Variants in CLSTN2 observed in about 807,000 individuals in gnomAD.
CLSTN2 encodes calsyntenin-2.
In CLSTN2, 48 loss-of-function variants were observed where a neutral mutation model predicts 101.2. That is an observed-to-expected ratio of 0.47 (90% CI 0.38 to 0.60). The LOEUF (loss-of-function observed/expected upper bound fraction) is 0.60. CLSTN2 is among the 20% of genes least tolerant of loss of function. The pLI is 0.00. For synonymous variants in CLSTN2, 481 were observed against 463.6 expected (o/e 1.04, Z -0.48); for missense variants, 1,160 against 1,238.2 (o/e 0.94, Z 0.95).
intron 2 of CLSTN2, among the ~76,000 whole-genome samples, chr3:140,294,430 C>T (rs1380394347): frequency 6.6e-6 from 1 of 152,192 alleles, no homozygotes; most frequent in Non-Finnish European, 1.5e-5. Flanking sequence ...AGGCAGATGT[C>T]ACCTCCACCA....
chr3:140,442,768 C>T (rs1485692004), intron 5 of CLSTN2, among the ~76,000 whole-genome samples: 1 of 152,148 alleles, frequency 6.6e-6, no homozygotes, highest in Non-Finnish European at 1.5e-5. Context: ...CTATGTATGG[C>T]TCCTTACTGG....
chr3:140,534,595 T>G (rs1241213421), intron 9 of CLSTN2, among the ~76,000 whole-genome samples: 1 of 152,194 alleles, frequency 6.6e-6, no homozygotes, highest in Non-Finnish European at 1.5e-5. Flanking sequence ...CCACAGTCAG[T>G]AGACAGAGCA....
intron 1 of CLSTN2, among the ~76,000 whole-genome samples, chr3:140,101,029 GAA>G (rs1385896880): frequency 1.6e-3 from 238 of 152,320 alleles, no homozygotes; most frequent in Non-Finnish European, 2.4e-3. Flanking sequence ...TGGTTGGAAA[GAA>G]GCACCTGGTA....
chr3:140,317,990 G>A (rs1402528441), intron 2 of CLSTN2, among the ~76,000 whole-genome samples: 1 of 152,170 alleles, frequency 6.6e-6, no homozygotes, highest in Admixed American at 6.5e-5. Flanking sequence ...TCATTACATT[G>A]TGAGCCAGCG....
intron 2 of CLSTN2, among the ~76,000 whole-genome samples, chr3:140,227,599 G>A (rs1031330942): frequency 1.3e-5 from 2 of 152,224 alleles, no homozygotes; most frequent in East Asian, 3.9e-4. Context: ...GAGGGACTCT[G>A]TATGGGGGCT....
At chr3:140,538,188 G>A (rs1576617699) in intron 9 of CLSTN2, among the ~76,000 whole-genome samples, 1 of 101,908 alleles carries the variant, frequency 9.8e-6, no homozygotes, top group East Asian at 2.7e-4. Context: ...CTCAGCCCCT[G>A]TCTCTGTCAG....
intron 1 of CLSTN2, among the ~76,000 whole-genome samples, chr3:140,147,915 A>T (rs929730006): frequency 6.6e-6 from 1 of 152,246 alleles, no homozygotes; most frequent in African/African-American, 2.4e-5. Context: ...CTGAGGTCAG[A>T]TAACTTGCCT....
intron 11 of CLSTN2, among the ~76,000 whole-genome samples, chr3:140,557,308 G>A (rs538005902): frequency 4.3e-4 from 66 of 152,284 alleles, no homozygotes; most frequent in Middle Eastern, 3.4e-3. Flanking sequence ...AGAAAGAGAG[G>A]AACAAGGGTG....
At chr3:140,418,360 G>C (rs189227189) in intron 4 of CLSTN2, among the ~76,000 whole-genome samples, 2 of 152,224 alleles carry the variant, frequency 1.3e-5, no homozygotes, top group East Asian at 3.9e-4. Context: ...CACTAAGCTA[G>C]AAACACATCA....
At chr3:140,046,463 A>T (rs932440613) in intron 1 of CLSTN2, among the ~76,000 whole-genome samples, 21 of 152,106 alleles carry the variant, frequency 1.4e-4, no homozygotes, top group Admixed American at 3.9e-4. Flanking sequence ...TTGACTCTTT[A>T]TCCAATTTGC....
Position 140,466,719 on chromosome 3 carries a change from G to A in CLSTN2, c.1332G>A (p.Trp444Ter). Reference sequence around the variant, plus strand: ...CCTTTCGCCCCGCGGAGTTCCACTGGAAGCTGGATCAGGTATGGTGCTCAC... The same window carrying A: ...CCTTTCGCCCCGCGGAGTTCCACTGAAAGCTGGATCAGGTATGGTGCTCAC... ...ADTFRPAEFH[W>*]KLDQICDKEW... The change falls in exon 8 of 17, where the codon TGG (tryptophan) becomes TGA (stop). Residue 444 changes from tryptophan (W) to a stop codon, truncating the protein, a stop_gained. Transcript: ENST00000458420. LOFTEE classifies it high-confidence loss of function. 6.2e-7 allele frequency: 1 copy of A among 1,614,062 alleles called. No homozygotes were observed. The highest frequency in any genetic ancestry group is 8.5e-7 in the Non-Finnish European group (1 of 1,179,998).
At chr3:140,503,898 G>A (rs754528566) in intron 8 of CLSTN2, among the ~76,000 whole-genome samples, 22 of 152,280 alleles carry the variant, frequency 1.4e-4, no homozygotes, top group Non-Finnish European at 2.6e-4. Flanking sequence ...GGCTCCTTAG[G>A]AAGAACTGCA....
At chr3:140,375,360 C>G (rs1030135479) in intron 2 of CLSTN2, among the ~76,000 whole-genome samples, 2 of 152,158 alleles carry the variant, frequency 1.3e-5, no homozygotes, top group East Asian at 3.9e-4. Flanking sequence ...GAAGGGGACC[C>G]CTTGCTATGG....
intron 5 of CLSTN2, among the ~76,000 whole-genome samples, chr3:140,443,750 G>A (rs777093213): frequency 3.9e-5 from 6 of 152,308 alleles, no homozygotes; most frequent in East Asian, 1.9e-4. Flanking sequence ...TTCCCATACC[G>A]AGCCTTCATT....
rs150443669 is a variant in CLSTN2 at position 140,072,566 on chromosome 3, A to C, written c.110-103385A>C. On this transcript the variant is annotated intron_variant, in intron 1 of 16. Coordinates refer to ENST00000458420, the MANE Select transcript of CLSTN2 (RefSeq NM_022131.3). Reference sequence around the variant, plus strand: ...CAGATTCAATTTATATGTAACATCTATGTTTTAGTCTAATAATACTAATGA... The same window carrying C: ...CAGATTCAATTTATATGTAACATCTCTGTTTTAGTCTAATAATACTAATGA... Among the ~76,000 whole-genome samples the C allele has an allele frequency of 4.1e-4, 63 of 152,308 alleles. No homozygotes were observed. In the East Asian group the frequency reaches 0.012, roughly 29 times the overall value.
Position 140,011,313 on chromosome 3 carries a change from G to T in CLSTN2, c.109+75830G>T, listed in dbSNP as rs1350404059. On this transcript the variant is annotated intron_variant, in intron 1 of 16. Transcript: ENST00000458420. ...CTGCTGGAGTTTTGGTGGATGTCTT[G>T]CTTTAGGAAGTGGTCTCAGCAGAGC... 3.9e-5 allele frequency among the ~76,000 whole-genome samples: 6 copies of T among 152,186 alleles called. No homozygotes were observed. In the East Asian group the frequency reaches 9.6e-4, roughly 24 times the overall value.
chr3:140,003,786 A>G (rs1328922997), intron 1 of CLSTN2, among the ~76,000 whole-genome samples: 1 of 152,212 alleles, frequency 6.6e-6, no homozygotes, highest in Non-Finnish European at 1.5e-5. Flanking sequence ...TGAAATAATC[A>G]TGTGGTTTTT....
intron 1 of CLSTN2, among the ~76,000 whole-genome samples, chr3:140,079,235 G>C (rs2008544698): frequency 6.6e-6 from 1 of 152,082 alleles, no homozygotes; most frequent in African/African-American, 2.4e-5. Context: ...CTTCATTATA[G>C]TCTCCCAATT....
chr3:140,173,694 G>C (rs1379036424), intron 1 of CLSTN2, among the ~76,000 whole-genome samples: 1 of 152,196 alleles, frequency 6.6e-6, no homozygotes, highest in Non-Finnish European at 1.5e-5. Context: ...CTCAATTCTT[G>C]ACTTCTGTGC....
Sources: allele counts gnomAD v4.1 joint callset (sites outside exome capture counted in the v4.1 genomes callset), GRCh38; gene constraint gnomAD v4.1.1; transcripts MANE v1.5; gene names NCBI Gene and HGNC (gene_info 2026-07-23, HGNC 2026-07-21).